PTPRD: variants seen among roughly 807,000 people sequenced by gnomAD.
PTPRD encodes protein tyrosine phosphatase receptor type D.
In PTPRD, 34 loss-of-function variants were observed where a neutral mutation model predicts 214.5. The observed-to-expected ratio is 0.16, with a 90% CI of 0.12 to 0.21. PTPRD has a LOEUF of 0.21. Among genes scored for constraint, PTPRD ranks in the 10% least tolerant of loss-of-function variants. PTPRD has a pLI of 1.00. For synonymous variants in PTPRD, 1,128 were observed against 845.7 expected (o/e 1.33, Z -5.79); for missense variants, 2,545 against 2,398.7 (o/e 1.06, Z -1.27).
chr9:10,082,602 A>C (rs914538333), intron 3 of PTPRD, among the ~76,000 whole-genome samples: 4 of 152,012 alleles, frequency 2.6e-5, no homozygotes, highest in Non-Finnish European at 5.9e-5. Context: ...TATGCATCTC[A>C]AGTTTGAGCA....
intron 14 of PTPRD, among the ~76,000 whole-genome samples, chr9:8,538,093 T>C (rs147352292): frequency 6.6e-6 from 1 of 152,112 alleles, no homozygotes; most frequent in Non-Finnish European, 1.5e-5. Context: ...ATTCCCTTCT[T>C]TGGGATTCAT....
chr9:10,034,379 T>A (rs1180998441), intron 3 of PTPRD, among the ~76,000 whole-genome samples: 1 of 150,442 alleles, frequency 6.6e-6, no homozygotes, highest in African/African-American at 2.4e-5. Context: ...TTTCTTCTTC[T>A]CGCACTCTGT....
At chr9:9,608,521 G>A (rs766890829) in intron 7 of PTPRD, among the ~76,000 whole-genome samples, 3 of 152,118 alleles carry the variant, frequency 2.0e-5, no homozygotes, top group South Asian at 2.1e-4. Context: ...TATGCCAGGG[G>A]CATATTTTCC....
chr9:8,811,643 G>A (rs10114256), intron 11 of PTPRD, among the ~76,000 whole-genome samples: 3,771 of 149,482 alleles, frequency 0.025, 155 homozygotes, highest in African/African-American at 0.087. Context: ...TTTTTTTTCT[G>A]AAAGGCTATA....
intron 8 of PTPRD, among the ~76,000 whole-genome samples, chr9:9,428,716 G>T (rs896294192): frequency 6.6e-6 from 1 of 152,184 alleles, no homozygotes; most frequent in Non-Finnish European, 1.5e-5. Context: ...TCAGACCACA[G>T]TGCAATCAAA....
At position 10,060,924 on chromosome 9, in the gene PTPRD, C is replaced by CT. The variant is rs765163376; in HGVS notation, c.-544-27135dup. On this transcript the variant is annotated intron_variant, in intron 3 of 45. Coordinates refer to ENST00000381196, the MANE Select transcript of PTPRD (RefSeq NM_002839.4). Reference sequence around the variant, plus strand: ...TCTTTCTTTCTTTCTTTCTTTCTTTCTTTCTTTCTTTCTTTCTTTCTTTCT... The same window carrying CT: ...TCTTTCTTTCTTTCTTTCTTTCTTTCTTTTCTTTCTTTCTTTCTTTCTTTCT... 5.9e-5 allele frequency among the ~76,000 whole-genome samples: 7 copies of CT among 118,868 alleles called. 1 individual carries two copies. The highest frequency in any genetic ancestry group is 4.8e-4 in the South Asian group (2 of 4,190). 78.0% of individuals were successfully genotyped at this position (118,868 alleles called of 152,430 possible).
At chr9:10,317,343 T>G (rs1279012807) in intron 3 of PTPRD, among the ~76,000 whole-genome samples, 2 of 151,974 alleles carry the variant, frequency 1.3e-5, no homozygotes, top group East Asian at 3.9e-4. Flanking sequence ...ATGCAGATTA[T>G]GTTACTAAAA....
At chr9:10,425,699 A>G (rs954767736) in intron 2 of PTPRD, among the ~76,000 whole-genome samples, 3 of 151,954 alleles carry the variant, frequency 2.0e-5, no homozygotes, top group African/African-American at 4.8e-5. Context: ...CCTTCTCATT[A>G]CAGAACTTTA....
At chr9:8,639,055 A>G (rs560237719) in intron 12 of PTPRD, among the ~76,000 whole-genome samples, 9 of 152,156 alleles carry the variant, frequency 5.9e-5, no homozygotes, top group African/African-American at 2.2e-4. Flanking sequence ...GTGGGCCAGA[A>G]TGGTCTCGAT....
chr9:9,024,030 A>C (rs1468159835), intron 10 of PTPRD, among the ~76,000 whole-genome samples: 1 of 151,802 alleles, frequency 6.6e-6, no homozygotes, highest in African/African-American at 2.4e-5. Context: ...TCACCATTGA[A>C]ATTTACAAAA....
At chr9:8,593,921 G>A (rs2154267282) in intron 14 of PTPRD, among the ~76,000 whole-genome samples, 1 of 152,250 alleles carries the variant, frequency 6.6e-6, no homozygotes, top group Admixed American at 6.5e-5. Context: ...CTGGCCCTGG[G>A]AACCTAGTGA....
intron 11 of PTPRD, among the ~76,000 whole-genome samples, chr9:8,863,448 C>A (rs1009773336): frequency 6.6e-6 from 1 of 152,108 alleles, no homozygotes; most frequent in Non-Finnish European, 1.5e-5. Context: ...TTTCCTATTT[C>A]TTTTTTGTTG....
chr9:9,971,528 G>A (rs1390136973), intron 4 of PTPRD, among the ~76,000 whole-genome samples: 1 of 152,156 alleles, frequency 6.6e-6, no homozygotes, highest in Non-Finnish European at 1.5e-5. Context: ...TCTCAACTCT[G>A]AGGAATTCAG....
chr9:8,896,119 G>A (rs1210375325), intron 11 of PTPRD, among the ~76,000 whole-genome samples: 2 of 152,194 alleles, frequency 1.3e-5, no homozygotes, highest in African/African-American at 4.8e-5. Context: ...GAATACTACT[G>A]TGAGCAGTAG....
At chr9:9,351,821 C>G (rs561740476) in intron 9 of PTPRD, among the ~76,000 whole-genome samples, 1 of 152,088 alleles carries the variant, frequency 6.6e-6, no homozygotes, top group Admixed American at 6.6e-5. Context: ...ATTTTGGACT[C>G]ATTGTTTAAA....
intron 11 of PTPRD, among the ~76,000 whole-genome samples, chr9:8,970,888 TACAAA>T (rs921366835): frequency 4.8e-5 from 7 of 145,940 alleles, no homozygotes; most frequent in African/African-American, 1.7e-4. Flanking sequence ...GTGTGCATTT[TACAAA>T]ACAAAACAAA....
At chr9:9,711,614 C>G (rs185152222) in intron 7 of PTPRD, among the ~76,000 whole-genome samples, 5 of 152,160 alleles carry the variant, frequency 3.3e-5, no homozygotes, top group African/African-American at 1.2e-4. Flanking sequence ...TCCAGTGGTT[C>G]TCAACAAAGG....
chr9:8,461,341 A>G (rs959564396), intron 32 of PTPRD, among the ~76,000 whole-genome samples: 1 of 152,136 alleles, frequency 6.6e-6, no homozygotes, highest in East Asian at 1.9e-4. Context: ...TCAATAGACA[A>G]CTGATAATAT....
chr9:8,416,316 C>T (rs888139316), intron 35 of PTPRD, among the ~76,000 whole-genome samples: 5 of 152,104 alleles, frequency 3.3e-5, no homozygotes, highest in African/African-American at 1.2e-4. Context: ...AATACACACA[C>T]ATATAAAAAC....
Sources: allele counts gnomAD v4.1 joint callset (sites outside exome capture counted in the v4.1 genomes callset), GRCh38; gene constraint gnomAD v4.1.1; transcripts MANE v1.5; gene names NCBI Gene and HGNC (gene_info 2026-07-23, HGNC 2026-07-21).